ZNF705B: variants seen among roughly 807,000 people sequenced by gnomAD.
ZNF705B encodes the protein Putative zinc finger protein 705D-like protein LOC100132396.
Under a neutral mutation model 10.5 loss-of-function variants are expected in ZNF705B, and 1 was observed. The ratio of observed to expected loss-of-function variants is 0.10; its 90% confidence interval spans 0.03 to 0.45. ZNF705B has a LOEUF of 0.45. ZNF705B is among the 20% of genes least tolerant of loss of function. ZNF705B has a pLI of 0.97. For missense variants in ZNF705B, 14 were observed against 84.0 expected, an observed-to-expected ratio of 0.17 and a Z score of 3.26; for synonymous variants, 4 against 25.4, an observed-to-expected ratio of 0.16 and a Z score of 2.53.
chr8:7,932,778 C>T lies in ZNF705B; in HGVS notation c.-72+2342C>T, dbSNP rs1482556268. 5.3e-5 allele frequency among the ~76,000 whole-genome samples: 6 copies of T among 114,130 alleles called. No homozygotes were observed. In the East Asian group the frequency reaches 1.3e-3, roughly 24 times the overall value. The allele number at this position is 114,130 out of a possible 152,430, so 74.9% of individuals were successfully genotyped here. A position where few individuals can be genotyped will look rare whatever the true frequency, so the allele number is the denominator to read the frequency against. On this transcript the variant is annotated intron_variant, in intron 2 of 6. Transcript: ENST00000400120. ...ATAGTGAAAAATAAAATCCAGCTAA[C>T]ATACTTTTAAATATCTTGATTCTAT...
chr8:7,937,491 C>T (rs1820048073), intron 2 of ZNF705B, among the ~76,000 whole-genome samples: 1 of 111,024 alleles, frequency 9.0e-6, no homozygotes, highest in African/African-American at 2.7e-5. Context: ...CAAAACAAAA[C>T]AAAATGTGTT....
intron 2 of ZNF705B, among the ~76,000 whole-genome samples, chr8:7,937,057 G>A (rs1406762432): frequency 1.7e-5 from 2 of 116,904 alleles, no homozygotes; most frequent in East Asian, 4.9e-4. Flanking sequence ...ATTTGCTTTA[G>A]GAACAAAAGA....
At chr8:7,937,185 G>T (rs1243434290) in intron 2 of ZNF705B, among the ~76,000 whole-genome samples, 1 of 117,640 alleles carries the variant, frequency 8.5e-6, no homozygotes, top group Non-Finnish European at 2.0e-5. Context: ...TGAAGCAGAT[G>T]ATAGGGACAG....
intron 1 of ZNF705B, among the ~76,000 whole-genome samples, chr8:7,928,504 G>C (rs1360486630): frequency 8.3e-6 from 1 of 120,396 alleles, no homozygotes; most frequent in African/African-American, 2.5e-5. Flanking sequence ...GAAGCTCACA[G>C]TGTAGAGAAG....
In ZNF705B at chr8:7,926,488, A is replaced by G. The variant is rs1266335615; in HGVS notation, c.-222+91A>G. The G allele has an allele frequency of 2.6e-5, 3 of 116,858 alleles. 1 individual carries two copies. The highest frequency in any genetic ancestry group is 6.1e-5 in the Non-Finnish European group (3 of 49,270). 7.2% of individuals were successfully genotyped at this position (116,858 alleles called of 1,614,324 possible). Reference sequence around the variant, plus strand: ...CAGGGTGTAAGTGTAGGAGACAGGAATGTAGACAACAGATTTCAGCCTCCA... The same window carrying G: ...CAGGGTGTAAGTGTAGGAGACAGGAGTGTAGACAACAGATTTCAGCCTCCA... On this transcript the variant is annotated intron_variant, in intron 1 of 6. Transcript: ENST00000400120.
At chr8:7,930,042 G>C (rs1376369734) in intron 1 of ZNF705B, among the ~76,000 whole-genome samples, 1 of 104,198 alleles carries the variant, frequency 9.6e-6, no homozygotes, top group African/African-American at 2.7e-5. Flanking sequence ...TGTTACATGG[G>C]AATATGGTAT....
In ZNF705B at chr8:7,944,910, C is replaced by T. The variant is rs1189106537; in HGVS notation, c.-71-2441C>T. Among the ~76,000 whole-genome samples, 3 of 70,796 alleles carry T rather than the reference C, an allele frequency of 4.2e-5. 1 individual carries two copies. The highest frequency in any genetic ancestry group is 4.5e-4 in the Admixed American group (2 of 4,472). The allele number at this position is 70,796 out of a possible 152,430, so 46.4% of individuals were successfully genotyped here. ...GCTTGAACCCAGGAGGTGGAGGTTG[C>T]GGTGAGCCGACATCGCGCCACTGCA... On this transcript the variant is annotated intron_variant, in intron 2 of 6. Transcript: ENST00000400120.
At chr8:7,940,199 A>G (rs200438425) in intron 2 of ZNF705B, among the ~76,000 whole-genome samples, 3 of 143,500 alleles carry the variant, frequency 2.1e-5, no homozygotes, top group East Asian at 2.1e-4. Context: ...AGCCAAGAGA[A>G]AAAAACAAGG....
At chr8:7,936,541 A>T (rs1334922700) in intron 2 of ZNF705B, among the ~76,000 whole-genome samples, 1 of 120,138 alleles carries the variant, frequency 8.3e-6, no homozygotes, top group Non-Finnish European at 2.0e-5. Context: ...CTATGCATCC[A>T]TAAAAAGAAC....
intron 2 of ZNF705B, among the ~76,000 whole-genome samples, chr8:7,935,868 A>T (rs1381808244): frequency 2.7e-4 from 25 of 92,086 alleles, no homozygotes; most frequent in African/African-American, 6.8e-4. Context: ...TATTACGTAT[A>T]GTAGTACCCA....
At chr8:7,932,161 G>A (rs1326704139) in intron 2 of ZNF705B, among the ~76,000 whole-genome samples, 1 of 121,282 alleles carries the variant, frequency 8.2e-6, no homozygotes, top group Admixed American at 9.3e-5. Context: ...CTGAGAGACT[G>A]TCCCTTGGCT....
chr8:7,926,750 G>T lies in ZNF705B; in HGVS notation c.-222+353G>T, dbSNP rs1405169079. Among the ~76,000 whole-genome samples the T allele has an allele frequency of 1.7e-5, 2 of 115,442 alleles. 1 individual carries two copies. Among genetic ancestry groups the T allele is most frequent in the African/African-American group, 5.2e-5 (2 of 38,314 alleles). 75.7% of individuals were successfully genotyped at this position (115,442 alleles called of 152,430 possible). A position where few individuals can be genotyped will look rare whatever the true frequency, so the allele number is the denominator to read the frequency against. On this transcript the variant is annotated intron_variant, in intron 1 of 6. Coordinates refer to ENST00000400120, the MANE Select transcript of ZNF705B (RefSeq NM_001193630.1). ...GACTTTCCCCCTTTGTTAGGGAAGT[G>T]CAATTCAGACAACCTTTTATGCACG... is the stretch of plus-strand genomic sequence containing the variant.
At position 7,927,042 on chromosome 8, in the gene ZNF705B, T is replaced by C. The variant is rs1819710188; in HGVS notation, c.-222+645T>C. On this transcript the variant is annotated intron_variant, in intron 1 of 6. Coordinates refer to ENST00000400120, the MANE Select transcript of ZNF705B (RefSeq NM_001193630.1). The stretch of plus-strand genomic sequence containing the variant: ...AAGATACCACTTTCAAGACTCGTGG[T>C]ACGTGATAGGTGTTCAAGAATGTTC... 2.5e-5 allele frequency among the ~76,000 whole-genome samples: 3 copies of C among 119,878 alleles called. 1 individual carries two copies. The highest frequency in any genetic ancestry group is 1.9e-4 in the Admixed American group (2 of 10,452). The allele number at this position is 119,878 out of a possible 152,430, so 78.6% of individuals were successfully genotyped here.
intron 2 of ZNF705B, among the ~76,000 whole-genome samples, chr8:7,930,898 C>T (rs1435478870): frequency 1.5e-5 from 2 of 130,064 alleles, no homozygotes; most frequent in African/African-American, 4.9e-5. Context: ...GCTCTGTAGG[C>T]CAGGCTGCAG....
intron 2 of ZNF705B, among the ~76,000 whole-genome samples, chr8:7,932,898 G>T (rs1819890159): frequency 9.5e-6 from 1 of 105,552 alleles, no homozygotes; most frequent in African/African-American, 2.7e-5. Flanking sequence ...CACTAAAGTT[G>T]TGTCTAAATG....
chr8:7,930,917 C>T (rs1239865507), intron 2 of ZNF705B, among the ~76,000 whole-genome samples: 5 of 129,442 alleles, frequency 3.9e-5, no homozygotes, highest in South Asian at 2.6e-4. Flanking sequence ...AGTGCAGTGG[C>T]ACAATTTCAA....
intron 2 of ZNF705B, among the ~76,000 whole-genome samples, chr8:7,936,586 T>C (rs1286694937): frequency 1.7e-5 from 2 of 120,142 alleles, no homozygotes; most frequent in African/African-American, 2.5e-5. Flanking sequence ...TGGATGCAGC[T>C]GGAGGACTTT....
chr8:7,927,844 A>G (rs1421937800), intron 1 of ZNF705B, among the ~76,000 whole-genome samples: 3 of 144,460 alleles, frequency 2.1e-5, no homozygotes, highest in East Asian at 4.2e-4. Context: ...TCTGATGTCT[A>G]CATCTCATCA....
At chr8:7,940,939 G>C (rs886975907) in intron 2 of ZNF705B, among the ~76,000 whole-genome samples, 1 of 148,690 alleles carries the variant, frequency 6.7e-6, no homozygotes, top group African/African-American at 2.4e-5. Context: ...AACGTGCAGT[G>C]CTTGGTTTTC....
Sources: gnomAD v4.1 joint callset for allele counts (sites outside exome capture counted in the v4.1 genomes callset) on GRCh38, gnomAD v4.1.1 for gene constraint, MANE v1.5 for transcripts, NCBI Gene and HGNC (gene_info 2026-07-23, HGNC 2026-07-21) for gene names.